The following CETP variants were observed in gnomAD, a reference collection of about 807,000 sequenced individuals.
CETP encodes cholesteryl ester transfer protein, also known as BPI fold containing family F.
In CETP, 56 loss-of-function variants were observed where a neutral mutation model predicts 66.5. The ratio of observed to expected loss-of-function variants is 0.84; its 90% confidence interval spans 0.68 to 1.05. CETP has a LOEUF of 1.05. Ranked by LOEUF, CETP falls within the 50% of genes least tolerant of loss-of-function variation. The pLI is 0.00. For synonymous variants in CETP, 251 were observed against 245.7 expected (o/e 1.02, Z -0.20); for missense variants, 612 against 609.6 (o/e 1.00, Z -0.04).
At chr16:56,980,342 C>T (rs775739784) in intron 11 of CETP, among the ~76,000 whole-genome samples, 2 of 152,076 alleles carry the variant, frequency 1.3e-5, no homozygotes, top group East Asian at 1.9e-4. Context: ...TGCACTACCA[C>T]GTATTTTTTT....
intron 11 of CETP, 45 bp from the exon 12 acceptor site, chr16:56,981,113 T>G: frequency 6.9e-7 from 1 of 1,444,934 alleles, no homozygotes. Flanking sequence ...GCTCTCTGCT[T>G]CGGGAAGAGC....
intron 12 of CETP, 35 bp downstream of exon 12, chr16:56,981,260 T>A: frequency 2.7e-6 from 4 of 1,503,798 alleles, no homozygotes; most frequent in South Asian, 1.1e-5. Context: ...GGCGGTCAAC[T>A]CCGCAAACCT....
chr16:56,969,513 G>C lies in CETP; in HGVS notation c.361G>C (p.Ala121Pro). 1 of 1,614,200 alleles carries C rather than the reference G, an allele frequency of 6.2e-7. No homozygotes were observed. The highest frequency in any genetic ancestry group is 8.5e-7 in the Non-Finnish European group (1 of 1,180,036). The change falls in exon 3 of 16, where the codon GCC becomes CCC. Residue 121 changes from alanine to proline, a missense_variant. Physicochemically the swap from Ala to Pro is conservative, Grantham distance 27. Transcript: ENST00000200676. Reference sequence around the variant, plus strand: ...GACCCTGAAGTATGGCTACACCACTGCCTGGTGGTAAGCATTCCTGTCAGC... The same window carrying C: ...GACCCTGAAGTATGGCTACACCACTCCCTGGTGGTAAGCATTCCTGTCAGC... ...KGTLKYGYTT[A>P]WWLGIDQSID...
At position 56,983,171 on chromosome 16, in the gene CETP, A is replaced by T. The variant is rs532821202; in HGVS notation, c.1322-155A>T. ...AACTCTGCTCTTCCTCATCCTCAGA[A>T]GCACTTGCTCACTCTGCTAAATCAA... On this transcript the variant is annotated intron_variant, in intron 14 of 15. Coordinates refer to ENST00000200676, the MANE Select transcript of CETP (RefSeq NM_000078.3). 1.9e-4 allele frequency among the ~76,000 whole-genome samples: 29 copies of T among 152,328 alleles called. No individual in the cohort carries two copies. The South Asian group carries it at 5.8e-3, about 30-fold the overall frequency.
rs768951962 is a variant in CETP, at chr16:56,973,306, C to T, written c.751-25C>T. 43 of 1,613,162 alleles carry T rather than the reference C, an allele frequency of 2.7e-5. No individual in the cohort carries two copies. The East Asian group carries it at 9.4e-4, about 35-fold the overall frequency. ...GAGCCCAGTAGGGACACACAGGGTC[C>T]AGCCAGCGTCCTGGCTTCCTCCAGG... On this transcript the variant is annotated intron_variant, in intron 8 of 15. Transcript: ENST00000200676.
Position 56,971,337 on chromosome 16 carries a change from A to G in CETP, c.614A>G (p.Asn205Ser), listed in dbSNP as rs373779560. The G allele has an allele frequency of 1.9e-6, 3 of 1,614,100 alleles. No homozygotes were observed. Among genetic ancestry groups the G allele is most frequent in the African/African-American group, 2.7e-5 (2 of 75,050 alleles). ...CTGCCCCAGATCTGCAAAGAGATCA[A>G]CGTCATCTCTAACATCATGGCCGAT... ...VLKGQICKEI[N>S]VISNIMADFV... The change falls in exon 7 of 16, where the codon AAC becomes AGC. Residue 205 changes from asparagine to serine, a missense_variant. Coordinates refer to ENST00000200676, the MANE Select transcript of CETP (RefSeq NM_000078.3).
chr16:56,963,273 C>G (rs2056038918), intron 2 of CETP, 149 bp downstream of exon 2: 2 of 684,050 alleles, frequency 2.9e-6, no homozygotes, highest in African/African-American at 3.5e-5. Context: ...GACACCTTCC[C>G]TACCCCCACC....
chr16:56,974,961 T>C lies in CETP; in HGVS notation c.931-140T>C. On this transcript the variant is annotated intron_variant, in intron 9 of 15. Transcript: ENST00000200676. ...CCTGTTCCACACCCTGCCCAGAGCA[T>C]CTCACATGTTGTCTGGGAGGTTGGG... 4.0e-6 allele frequency: 3 copies of C among 743,658 alleles called. No homozygotes were observed. The South Asian group carries it at 4.5e-5, about 11-fold the overall frequency. The allele number at this position is 743,658 out of a possible 1,614,324, so 46.1% of individuals were successfully genotyped here.
chr16:56,969,767 T>C, intron 4 of CETP, 86 bp downstream of exon 4: 2 of 1,573,212 alleles, frequency 1.3e-6, no homozygotes, highest in Non-Finnish European at 1.7e-6. Context: ...AGGCAGAGGG[T>C]TCTGGGGCCA....
chr16:56,983,425 C>A lies in CETP; in HGVS notation c.1407+14C>A. 1.9e-6 allele frequency: 3 copies of A among 1,613,442 alleles called. No individual in the cohort carries two copies. The highest frequency in any genetic ancestry group is 2.2e-5 in the South Asian group (2 of 91,070). The stretch of plus-strand genomic sequence containing the variant: ...ATCACTCGAGATGTGAGTACAAAGC[C>A]CCCCTCACCAGCCCCTGTTCCTGGG... On this transcript the variant is annotated intron_variant, in intron 15 of 15. Transcript: ENST00000200676.
At chr16:56,969,323 G>T in intron 2 of CETP, 63 bp from the exon 3 acceptor site, 2 of 1,610,286 alleles carry the variant, frequency 1.2e-6, no homozygotes, top group Non-Finnish European at 1.7e-6. Context: ...CAAAATTGGA[G>T]GCTCACTCCT....
intron 12 of CETP, 61 bp downstream of exon 12, chr16:56,981,286 G>A: frequency 1.5e-6 from 2 of 1,357,832 alleles, no homozygotes; most frequent in Non-Finnish European, 2.1e-6. Context: ...TGGCCCCTTG[G>A]AGTCAGGCAC....
intron 10 of CETP, among the ~76,000 whole-genome samples, chr16:56,976,163 G>T (rs758486609): frequency 6.6e-6 from 1 of 151,942 alleles, no homozygotes; most frequent in Non-Finnish European, 1.5e-5. Flanking sequence ...TCCTCCCCAG[G>T]CTACCATTAT....
At chr16:56,983,181 C>T in intron 14 of CETP, 145 bp from the exon 15 acceptor site, 1 of 718,866 alleles carries the variant, frequency 1.4e-6, no homozygotes. Flanking sequence ...AGCACTTGCT[C>T]ACTCTGCTAA....
At chr16:56,968,719 G>A (rs1392693865) in intron 2 of CETP, among the ~76,000 whole-genome samples, 1 of 147,840 alleles carries the variant, frequency 6.8e-6, no homozygotes, top group African/African-American at 2.5e-5. Flanking sequence ...TTAGTAATTT[G>A]AGTCTTCTTC....
intron 1 of CETP, among the ~76,000 whole-genome samples, chr16:56,962,717 G>A (rs1286074746): frequency 7.1e-6 from 1 of 140,328 alleles, no homozygotes; most frequent in Admixed American, 7.3e-5. Context: ...GTTAGTGTGC[G>A]GCTGGGCTCA....
Position 56,969,678 on chromosome 16 carries a change from C to A in CETP, c.436C>A (p.Leu146Met). The A allele has an allele frequency of 6.2e-7, 1 of 1,613,946 alleles. No individual in the cohort carries two copies. The highest frequency in any genetic ancestry group is 1.1e-5 in the South Asian group (1 of 91,082). Residue 146 changes from leucine (L) to methionine (M), a missense_variant, in exon 4 of 16, where the codon CTG becomes ATG. Transcript: ENST00000200676. ...CATTGACCTCCAGATCAACACACAG[C>A]TGAGTATGTGTCAAGCGTCCTCTGG... ...SAIDLQINTQ[L>M]TCDSGRVRTD... is the part of the protein sequence containing the mutation.
chr16:56,964,797 C>G (rs114485742), intron 2 of CETP, among the ~76,000 whole-genome samples: 1 of 152,222 alleles, frequency 6.6e-6, no homozygotes, highest in Non-Finnish European at 1.5e-5. Flanking sequence ...TCTCGCGCAG[C>G]CACGCCCTCT....
At chr16:56,967,983 A>T (rs2141995671) in intron 2 of CETP, among the ~76,000 whole-genome samples, 1 of 152,238 alleles carries the variant, frequency 6.6e-6, no homozygotes, top group African/African-American at 2.4e-5. Context: ...AAACTAAAAA[A>T]AAAAAAAGAA....
Sources: allele counts gnomAD v4.1 joint callset (sites outside exome capture counted in the v4.1 genomes callset), GRCh38; gene constraint gnomAD v4.1.1; transcripts MANE v1.5; gene names NCBI Gene and HGNC (gene_info 2026-07-23, HGNC 2026-07-21).